FAF1: variants seen among roughly 807,000 people sequenced by gnomAD.
FAF1 encodes FAS-associated factor 1.
In FAF1, 25 loss-of-function variants were observed where a neutral mutation model predicts 92.5. That is an observed-to-expected ratio of 0.27 (90% CI 0.20 to 0.38). The LOEUF (loss-of-function observed/expected upper bound fraction) is 0.38. Among genes scored for constraint, FAF1 ranks in the 10% least tolerant of loss-of-function variants. FAF1 has a pLI of 1.00. For synonymous variants in FAF1, 234 were observed against 273.2 expected (o/e 0.86, Z 1.42); for missense variants, 636 against 793.3 (o/e 0.80, Z 2.38).
At chr1:50,798,004 C>T (rs1384436024) in intron 3 of FAF1, among the ~76,000 whole-genome samples, 1 of 151,676 alleles carries the variant, frequency 6.6e-6, no homozygotes, top group African/African-American at 2.4e-5. Flanking sequence ...TAAACAGGAA[C>T]TCTGCACTTG....
At chr1:50,693,068 T>A (rs1223306631) in intron 7 of FAF1, among the ~76,000 whole-genome samples, 1 of 152,248 alleles carries the variant, frequency 6.6e-6, no homozygotes, top group Non-Finnish European at 1.5e-5. Context: ...TTTTTAATTT[T>A]GATGAAGTTC....
At chr1:50,912,185 G>A (rs1314621154) in intron 1 of FAF1, among the ~76,000 whole-genome samples, 1 of 152,172 alleles carries the variant, frequency 6.6e-6, no homozygotes, top group Admixed American at 6.5e-5. Flanking sequence ...GCTGCCGCTA[G>A]ACAAGTCACT....
chr1:50,778,654 A>C (rs1661047193), intron 4 of FAF1, among the ~76,000 whole-genome samples: 2 of 152,208 alleles, frequency 1.3e-5, no homozygotes, highest in African/African-American at 4.8e-5. Flanking sequence ...CACTGTCTTC[A>C]TGTTGAACAA....
At chr1:50,472,491 G>T (rs1359258659) in intron 18 of FAF1, among the ~76,000 whole-genome samples, 1 of 151,710 alleles carries the variant, frequency 6.6e-6, no homozygotes, top group Non-Finnish European at 1.5e-5. Context: ...GCCTATGTCT[G>T]CGGCTATTTT....
intron 17 of FAF1, among the ~76,000 whole-genome samples, chr1:50,487,074 T>C (rs1036822964): frequency 1.3e-5 from 2 of 152,174 alleles, no homozygotes; most frequent in African/African-American, 2.4e-5. Flanking sequence ...TAACTTGCCA[T>C]TGTCACACAT....
chr1:50,686,368 C>A (rs1276932514), intron 7 of FAF1, among the ~76,000 whole-genome samples: 1 of 151,952 alleles, frequency 6.6e-6, no homozygotes, highest in African/African-American at 2.4e-5. Context: ...CATGGAGAAA[C>A]CCCGTCCCTA....
At chr1:50,761,016 A>T (rs191471490) in intron 4 of FAF1, among the ~76,000 whole-genome samples, 1 of 152,358 alleles carries the variant, frequency 6.6e-6, no homozygotes, top group African/African-American at 2.4e-5. Context: ...ATCACCACCG[A>T]TCACACAGAA....
At chr1:50,738,239 T>C (rs1414775757) in intron 6 of FAF1, among the ~76,000 whole-genome samples, 1 of 151,042 alleles carries the variant, frequency 6.6e-6, no homozygotes, top group Non-Finnish European at 1.5e-5. Flanking sequence ...AGGTCAGGAG[T>C]TCAAGACCAG....
chr1:50,953,134 A>C (rs188718674), intron 1 of FAF1, among the ~76,000 whole-genome samples: 1 of 152,318 alleles, frequency 6.6e-6, no homozygotes, highest in South Asian at 2.1e-4. Context: ...GTGTCCACTC[A>C]GGGTTAAATG....
In FAF1 at chr1:50,822,486, T is replaced by C. The variant is rs572845458; in HGVS notation, c.115-20809A>G. Among the ~76,000 whole-genome samples the C allele has an allele frequency of 1.3e-4, 20 of 152,268 alleles. No individual in the cohort carries two copies. The South Asian group carries it at 3.7e-3, about 28-fold the overall frequency. Reference sequence around the variant, plus strand: ...CTGAAACCAAAATAAAAGAAAGGTGTTTTGTGTGACAGTCACCTACTTCTC... The same window carrying C: ...CTGAAACCAAAATAAAAGAAAGGTGCTTTGTGTGACAGTCACCTACTTCTC... On this transcript the variant is annotated intron_variant, in intron 2 of 18. Transcript: ENST00000396153.
At chr1:50,939,735 G>A (rs1645115549) in intron 1 of FAF1, among the ~76,000 whole-genome samples, 1 of 152,098 alleles carries the variant, frequency 6.6e-6, no homozygotes, top group South Asian at 2.1e-4. Context: ...TATCATGAAA[G>A]GATGTTAGAT....
At position 50,716,214 on chromosome 1, in the gene FAF1, AGG is replaced by A. The variant is rs147192696; in HGVS notation, c.552-10325_552-10324del. Among the ~76,000 whole-genome samples, 1,220 of 152,312 alleles carry A rather than the reference AGG, an allele frequency of 8.0e-3. 14 individuals carry two copies. Among genetic ancestry groups the A allele is most frequent in the African/African-American group, 0.028 (1,168 of 41,558 alleles). ...CCATTTCACAGGGTACAATAGTAGT[AGG>A]CAAACTGTCTTGAACCAATAATAAT... is the stretch of plus-strand genomic sequence containing the variant. On this transcript the variant is annotated intron_variant, in intron 6 of 18. Coordinates refer to ENST00000396153, the MANE Select transcript of FAF1 (RefSeq NM_007051.3).
intron 9 of FAF1, among the ~76,000 whole-genome samples, chr1:50,585,323 G>A (rs1651174000): frequency 6.6e-6 from 1 of 152,076 alleles, no homozygotes; most frequent in Non-Finnish European, 1.5e-5. Context: ...CACTACATAT[G>A]AAAGCTCTTT....
chr1:50,571,997 A>G (rs1292799945), intron 12 of FAF1, among the ~76,000 whole-genome samples: 1 of 151,960 alleles, frequency 6.6e-6, no homozygotes, highest in African/African-American at 2.4e-5. Context: ...AGTTTTTTTC[A>G]GTGTTAAAAC....
chr1:50,610,880 A>G (rs1652655088), intron 8 of FAF1, among the ~76,000 whole-genome samples: 1 of 152,202 alleles, frequency 6.6e-6, no homozygotes, highest in Non-Finnish European at 1.5e-5. Flanking sequence ...AAAGTTTCTA[A>G]TTCAACCACA....
At chr1:50,670,441 T>C (rs1655823551) in intron 7 of FAF1, among the ~76,000 whole-genome samples, 1 of 152,068 alleles carries the variant, frequency 6.6e-6, no homozygotes, top group Non-Finnish European at 1.5e-5. Context: ...TATTGGACAA[T>C]ATATTGATAT....
chr1:50,638,354 C>T lies in FAF1; in HGVS notation c.744+17088G>A, dbSNP rs371260813. ...GCAGTATAACATTGAATAGAACTTG[C>T]GCAAGTGAACATCCTTACATCATTT... On this transcript the variant is annotated intron_variant, in intron 8 of 18. Coordinates refer to ENST00000396153, the MANE Select transcript of FAF1 (RefSeq NM_007051.3). 3.9e-5 allele frequency among the ~76,000 whole-genome samples: 6 copies of T among 152,158 alleles called. No homozygotes were observed. The East Asian group carries it at 5.8e-4, about 15-fold the overall frequency.
intron 2 of FAF1, among the ~76,000 whole-genome samples, chr1:50,812,475 G>A (rs1011966731): frequency 3.3e-5 from 5 of 152,170 alleles, no homozygotes; most frequent in Non-Finnish European, 5.9e-5. Flanking sequence ...ACGAAAAAAT[G>A]CTCAATATCA....
At chr1:50,882,405 C>A (rs1557572754) in intron 1 of FAF1, among the ~76,000 whole-genome samples, 1 of 151,402 alleles carries the variant, frequency 6.6e-6, no homozygotes, top group Admixed American at 6.6e-5. Context: ...ATCAGCCTGG[C>A]CAACATGGTA....
Sources: gnomAD v4.1 joint callset for allele counts (sites outside exome capture counted in the v4.1 genomes callset) on GRCh38, gnomAD v4.1.1 for gene constraint, MANE v1.5 for transcripts, NCBI Gene and HGNC (gene_info 2026-07-23, HGNC 2026-07-21) for gene names.